LMF1: variants seen among roughly 807,000 people sequenced by gnomAD.
LMF1 encodes the protein transmembrane protein 112.
In LMF1, 68 loss-of-function variants were observed where a neutral mutation model predicts 60.6. The ratio of observed to expected loss-of-function variants is 1.12; its 90% confidence interval spans 0.92 to 1.37. LMF1 has a LOEUF of 1.37. LMF1 is among the 40% of genes most tolerant of loss of function. LMF1 has a pLI of 0.00. For missense variants in LMF1, 948 were observed against 767.2 expected (o/e 1.24, Z -2.78); for synonymous variants, 418 against 324.7 (o/e 1.29, Z -3.09).
rs769234511 is a variant in LMF1 at position 870,852 on chromosome 16, G to A, written c.1109C>T (p.Ser370Leu). 3.4e-5 allele frequency: 54 copies of A among 1,610,886 alleles called. No individual in the cohort carries two copies. Among genetic ancestry groups the A allele is most frequent in the South Asian group, 7.7e-5 (7 of 91,076 alleles). Residue 370 changes from serine to leucine, a missense_variant, in exon 8 of 11, where the codon TCG becomes TTG. Transcript: ENST00000262301. ...GSVVRRAANV[S>L]LGVLLAWLSV... Reference sequence around the variant, plus strand: ...GAGCCAGGCCAGCAGGACGCCCAGCGAGACGTTGGCTGCACGCCGCACCAC... The same window carrying A: ...GAGCCAGGCCAGCAGGACGCCCAGCAAGACGTTGGCTGCACGCCGCACCAC...
chr16:979,686 C>T (rs1339030965), intron 1 of LMF1: 1 of 454,028 alleles, frequency 2.2e-6, no homozygotes, highest in Non-Finnish European at 4.4e-6. Context: ...AATGCAACTG[C>T]TTTTCTTTGG....
At chr16:976,563 G>A (rs2073150458) in intron 1 of LMF1, 4 of 454,018 alleles carry the variant, frequency 8.8e-6, no homozygotes, top group Non-Finnish European at 1.8e-5. Flanking sequence ...CTCCTGCCTA[G>A]GGATGTTTTG....
In LMF1 at chr16:870,018, G is replaced by A. The variant is rs1298053437; in HGVS notation, c.1281C>T (p.Ser427=). The A allele has an allele frequency of 6.2e-7, 1 of 1,612,666 alleles. No homozygotes were observed. The highest frequency in any genetic ancestry group is 8.5e-7 in the Non-Finnish European group (1 of 1,179,800). The change falls in exon 9 of 11, where the codon TCC becomes TCT. Residue 427 remains serine (S), a synonymous_variant. Coordinates refer to ENST00000262301, the MANE Select transcript of LMF1 (RefSeq NM_022773.4). ...AEVILQGTAS[S]NASAPDAMWE... is the part of the protein sequence containing the mutation. ...ACATGGCATCGGGGGCGCTGGCGTT[G>A]GAGCTGGCTGTGCCCTGCAGGATCA...
At chr16:883,628 G>A (rs2070227570) in intron 5 of LMF1, among the ~76,000 whole-genome samples, 1 of 152,242 alleles carries the variant, frequency 6.6e-6, no homozygotes, top group Non-Finnish European at 1.5e-5. Flanking sequence ...TCGTACCCGT[G>A]TAAGCCTCCT....
chr16:949,528 C>CGACAGAGTCAGCCAAT (rs2072377322), intron 2 of LMF1, among the ~76,000 whole-genome samples: 1 of 134,412 alleles, frequency 7.4e-6, no homozygotes, highest in African/African-American at 3.1e-5. Context: ...AGTCAGCCAA[C>CGACAGAGTCAGCCAAT]GACAGAGTCA....
chr16:869,867 A>G lies in LMF1; in HGVS notation c.1416+16T>C, dbSNP rs2069725903. On this transcript the variant is annotated intron_variant, in intron 9 of 10. Coordinates refer to ENST00000262301, the MANE Select transcript of LMF1 (RefSeq NM_022773.4). ...GTACAGGCAGGTCCATGCGCCCGCC[A>G]GGGACCGTCCCCCACCTGGAAGGCC... 1 of 1,607,082 alleles carries G rather than the reference A, an allele frequency of 6.2e-7. No homozygotes were observed. The highest frequency in any genetic ancestry group is 1.1e-5 in the South Asian group (1 of 90,464).
chr16:876,245 G>A (rs1032274718), intron 6 of LMF1, among the ~76,000 whole-genome samples: 11 of 152,262 alleles, frequency 7.2e-5, no homozygotes, highest in African/African-American at 2.2e-4. Context: ...GGCCGCGGAG[G>A]GCAGGAAGCC....
At chr16:914,710 C>CACACTCCCTCCCTCCCAT (rs2071229420) in intron 3 of LMF1, among the ~76,000 whole-genome samples, 6 of 1,130 alleles carry the variant, frequency 5.3e-3, no homozygotes, top group Non-Finnish European at 3.8e-3. Context: ...CTCCCTCCCA[C>CACACTCCCTCCCTCCCAT]GACCATTGGT....
intron 4 of LMF1, 183 bp from the exon 5 acceptor site, chr16:893,255 T>G: frequency 2.9e-6 from 2 of 685,144 alleles, no homozygotes; most frequent in South Asian, 3.0e-5. Flanking sequence ...GAAGGGCAGA[T>G]TCAGGGCTGC....
chr16:862,284 T>C (rs942067141), intron 10 of LMF1, among the ~76,000 whole-genome samples: 11 of 151,900 alleles, frequency 7.2e-5, no homozygotes, highest in Non-Finnish European at 1.3e-4. Context: ...GTTGGGATTA[T>C]AGGCAGCCAC....
At chr16:884,737 T>C (rs2070257251) in intron 5 of LMF1, among the ~76,000 whole-genome samples, 1 of 151,782 alleles carries the variant, frequency 6.6e-6, no homozygotes. Flanking sequence ...TGATCACGGA[T>C]GGAAACCTCG....
intron 5 of LMF1, among the ~76,000 whole-genome samples, chr16:881,163 T>G (rs1596892470): frequency 6.6e-6 from 1 of 151,112 alleles, no homozygotes; most frequent in African/African-American, 2.4e-5. Context: ...GGGGTGGGGG[T>G]GTGGGAAGCG....
rs1207670695 is a variant in LMF1 at position 962,602 on chromosome 16, G to A, written c.194-7936C>T. Among the ~76,000 whole-genome samples the A allele has an allele frequency of 2.0e-5, 3 of 152,200 alleles. No individual in the cohort carries two copies. The highest frequency in any genetic ancestry group is 4.1e-4 in the South Asian group (2 of 4,830). On this transcript the variant is annotated intron_variant, in intron 1 of 10. Coordinates refer to ENST00000262301, the MANE Select transcript of LMF1 (RefSeq NM_022773.4). The surrounding 1 kb of genome is among the most constrained non-coding windows in gnomAD (Gnocchi z 4.5). ...AAAACCCATCACCCAGTCTAATTGC[G>A]AGGAAACACCAGACGGACCCAACGT...
At chr16:887,510 T>A (rs2070344717) in intron 5 of LMF1, among the ~76,000 whole-genome samples, 1 of 152,054 alleles carries the variant, frequency 6.6e-6, no homozygotes, top group South Asian at 2.1e-4. Context: ...GAGGCTTCTG[T>A]CAGCAAGGCT....
intron 1 of LMF1, among the ~76,000 whole-genome samples, chr16:965,366 A>G (rs2072903854): frequency 6.6e-6 from 1 of 152,214 alleles, no homozygotes; most frequent in African/African-American, 2.4e-5. Flanking sequence ...AGAGGCCAGA[A>G]GAGCCTCATC....
chr16:970,500 C>G (rs1239854722), intron 1 of LMF1, among the ~76,000 whole-genome samples: 1 of 152,204 alleles, frequency 6.6e-6, no homozygotes, highest in Non-Finnish European at 1.5e-5. Context: ...TAGCCCCGAG[C>G]CGGTCCTGGC....
upstream of LMF1, among the ~76,000 whole-genome samples, chr16:972,994 G>A (rs1261927459): frequency 1.3e-5 from 2 of 152,214 alleles, no homozygotes; most frequent in Non-Finnish European, 2.9e-5. Flanking sequence ...TGGACCAGCA[G>A]CTCTGGTCGT....
In LMF1 at chr16:890,469, T is replaced by G. The variant is rs922296310; in HGVS notation, c.729+2538A>C. Among the ~76,000 whole-genome samples, 7 of 152,048 alleles carry G rather than the reference T, an allele frequency of 4.6e-5. No homozygotes were observed. The East Asian group carries it at 1.4e-3, about 30-fold the overall frequency. Reference sequence around the variant, plus strand: ...CTGCCAGAGCCTCACGCTGCCTGGCTTGGCCCTGGACCCCGTGTGACCATC... The same window carrying G: ...CTGCCAGAGCCTCACGCTGCCTGGCGTGGCCCTGGACCCCGTGTGACCATC... On this transcript the variant is annotated intron_variant, in intron 5 of 10. Coordinates refer to ENST00000262301, the MANE Select transcript of LMF1 (RefSeq NM_022773.4).
intron 3 of LMF1, among the ~76,000 whole-genome samples, chr16:919,907 G>C (rs1479118185): frequency 3.3e-5 from 5 of 152,136 alleles, no homozygotes; most frequent in African/African-American, 9.7e-5. Flanking sequence ...AGGCAGTCAG[G>C]CTCCTGCCCC....
Sources: gnomAD v4.1 joint callset for allele counts (sites outside exome capture counted in the v4.1 genomes callset) on GRCh38, gnomAD v4.1.1 for gene constraint, Gnocchi (gnomAD v3.1) non-coding constraint, MANE v1.5 for transcripts, NCBI Gene and HGNC (gene_info 2026-07-23, HGNC 2026-07-21) for gene names.